The following HOMER2 variants were observed in gnomAD, a reference collection of about 807,000 sequenced individuals.
HOMER2 encodes the protein homer protein homolog 2.
HOMER2 carries 27 observed loss-of-function variants against 47.0 expected under a neutral mutation model. The observed-to-expected ratio is 0.57, with a 90% CI of 0.42 to 0.79. The LOEUF (loss-of-function observed/expected upper bound fraction) is 0.79. Ranked by LOEUF, HOMER2 falls within the 30% of genes least tolerant of loss-of-function variation. The pLI is 0.00. For missense variants in HOMER2, 443 were observed against 435.0 expected, an observed-to-expected ratio of 1.02 and a Z score of -0.16; for synonymous variants, 161 against 163.8, an observed-to-expected ratio of 0.98 and a Z score of 0.13.
intron 6 of HOMER2, among the ~76,000 whole-genome samples, chr15:82,854,407 A>C (rs1228054167): frequency 6.6e-6 from 1 of 152,086 alleles, no homozygotes; most frequent in Non-Finnish European, 1.5e-5. Flanking sequence ...CTCCATCTCA[A>C]AAAAAAAGAA....
chr15:82,859,862 A>G (rs1288856151), intron 4 of HOMER2, among the ~76,000 whole-genome samples: 1 of 152,128 alleles, frequency 6.6e-6, no homozygotes, highest in Non-Finnish European at 1.5e-5. Context: ...CAATTTCTGA[A>G]TTTCAAAAAA....
At chr15:82,981,598 G>A (rs1788050694) in intron 1 of HOMER2, among the ~76,000 whole-genome samples, 1 of 152,194 alleles carries the variant, frequency 6.6e-6, no homozygotes, top group South Asian at 2.1e-4. Flanking sequence ...TAGCCAAAAG[G>A]AGGAAGAAAC....
intron 4 of HOMER2, among the ~76,000 whole-genome samples, chr15:82,860,650 A>G (rs2151625761): frequency 1.3e-5 from 2 of 152,216 alleles, no homozygotes; most frequent in Middle Eastern, 3.4e-3. Context: ...GAAGTACAAA[A>G]TGAAGGCCAG....
Position 82,964,062 on chromosome 15 carries a change from T to G in HOMER2, n.83-4754A>C, listed in dbSNP as rs140787656. ...AATGACTACAGAGAGCTGGTGACAT[T>G]AGATTCTACCTTTAGATCCAGCTGG... is the stretch of plus-strand genomic sequence containing the variant. On this transcript the variant is annotated intron_variant and non_coding_transcript_variant, in intron 1 of 1. Transcript: ENST00000500334. Among the ~76,000 whole-genome samples the G allele has an allele frequency of 1.1e-3, 160 of 152,326 alleles. 1 individual carries two copies. The highest frequency in any genetic ancestry group is 3.7e-3 in the African/African-American group (154 of 41,574).
intron 2 of HOMER2, among the ~76,000 whole-genome samples, chr15:82,877,078 T>C (rs2052374491): frequency 6.6e-6 from 1 of 152,248 alleles, no homozygotes; most frequent in South Asian, 2.1e-4. Context: ...GCCTCATTTA[T>C]ATTAGTTCAC....
chr15:82,870,168 T>A (rs184515084), intron 3 of HOMER2, among the ~76,000 whole-genome samples: 7 of 152,252 alleles, frequency 4.6e-5, no homozygotes, highest in Admixed American at 4.6e-4. Flanking sequence ...GTTTGTTTAT[T>A]CAAAATCTGT....
At chr15:82,907,666 G>A (rs1428304616) in intron 1 of HOMER2, among the ~76,000 whole-genome samples, 2 of 152,148 alleles carry the variant, frequency 1.3e-5, no homozygotes, top group African/African-American at 4.8e-5. Flanking sequence ...GATCCAAGAA[G>A]AGTAGATTGC....
intron 1 of HOMER2, among the ~76,000 whole-genome samples, chr15:82,945,842 C>T (rs534554236): frequency 1.8e-3 from 280 of 151,988 alleles, no homozygotes; most frequent in Non-Finnish European, 3.0e-3. Flanking sequence ...TGGTGGCAGG[C>T]GCCTGTAGTC....
At chr15:82,983,944 G>A (rs1369566435) in intron 1 of HOMER2, among the ~76,000 whole-genome samples, 1 of 151,680 alleles carries the variant, frequency 6.6e-6, no homozygotes, top group Admixed American at 6.6e-5. Flanking sequence ...CAGTAACTAA[G>A]TATAGTACTA....
chr15:82,844,361 C>A (rs1013255053), downstream of HOMER2: 7 of 152,062 alleles, frequency 4.6e-5, no homozygotes, highest in African/African-American at 1.7e-4. Flanking sequence ...TTGACTACAA[C>A]AGTAAAAAAA....
At chr15:82,931,273 AG>A (rs2054001789) in intron 1 of HOMER2, among the ~76,000 whole-genome samples, 1 of 152,192 alleles carries the variant, frequency 6.6e-6, no homozygotes, top group South Asian at 2.1e-4. Flanking sequence ...TGCCCTTGAG[AG>A]ACAGGCCCCC....
At chr15:82,846,567 C>T (rs1252651960), downstream of HOMER2, 2 of 152,196 alleles carry the variant, frequency 1.3e-5, no homozygotes, top group Admixed American at 6.5e-5. Context: ...TCCAGGAGAC[C>T]TGGATGCAGA....
chr15:82,891,363 T>G (rs559643476), intron 2 of HOMER2, among the ~76,000 whole-genome samples: 1 of 152,276 alleles, frequency 6.6e-6, no homozygotes, highest in African/African-American at 2.4e-5. Context: ...CTGTGGCAAC[T>G]GGAAGGGAGA....
intron 1 of HOMER2, among the ~76,000 whole-genome samples, chr15:82,934,534 A>G (rs2054096485): frequency 6.6e-6 from 1 of 152,000 alleles, no homozygotes. Flanking sequence ...CCCATCTCGC[A>G]GAGACCTCCA....
downstream of HOMER2, chr15:82,834,891 G>A (rs982173049): frequency 6.6e-6 from 1 of 151,954 alleles, no homozygotes; most frequent in African/African-American, 2.4e-5. Flanking sequence ...TTTTCCTCAG[G>A]AACTGAAGTC....
At position 82,964,066 on chromosome 15, in the gene HOMER2, T is replaced by G. The variant is rs537499794; in HGVS notation, n.83-4758A>C. Among the ~76,000 whole-genome samples, 106 of 152,344 alleles carry G rather than the reference T, an allele frequency of 7.0e-4. 1 individual carries two copies. The highest frequency in any genetic ancestry group is 2.4e-3 in the African/African-American group (99 of 41,572). On this transcript the variant is annotated intron_variant and non_coding_transcript_variant, in intron 1 of 1. Coordinates refer to the HOMER2 transcript ENST00000500334. ...ACTACAGAGAGCTGGTGACATTAGATTCTACCTTTAGATCCAGCTGGGTCA... is the reference window on the plus strand; with the variant it reads ...ACTACAGAGAGCTGGTGACATTAGAGTCTACCTTTAGATCCAGCTGGGTCA...
At chr15:82,916,323 AG>A (rs1359254258) in intron 1 of HOMER2, among the ~76,000 whole-genome samples, 1 of 152,182 alleles carries the variant, frequency 6.6e-6, no homozygotes, top group Non-Finnish European at 1.5e-5. Flanking sequence ...ACAACTATAA[AG>A]GAGAGCTGTG....
rs192927962 is a variant in HOMER2, at chr15:82,945,698, C to T, written c.5+6833G>A. Reference sequence around the variant, plus strand: ...AAAAAAAGTGGTAGATGGCCGGGCGCGGTGGCTGACGCCTGTAATCCCAAC... The same window carrying T: ...AAAAAAAGTGGTAGATGGCCGGGCGTGGTGGCTGACGCCTGTAATCCCAAC... On this transcript the variant is annotated intron_variant, in intron 1 of 8. Coordinates refer to ENST00000450735, the MANE Select transcript of HOMER2 (RefSeq NM_004839.4). Among the ~76,000 whole-genome samples the T allele has an allele frequency of 2.8e-4, 42 of 151,996 alleles. No homozygotes were observed. In the East Asian group the frequency reaches 3.9e-3, roughly 14 times the overall value.
intron 8 of HOMER2, 74 bp downstream of exon 8, chr15:82,851,077 A>G (rs899761570): frequency 2.1e-6 from 2 of 962,386 alleles, no homozygotes; most frequent in Admixed American, 2.2e-5. Flanking sequence ...AGTGATAGGA[A>G]GCAGGAAAAT....
Sources: allele counts gnomAD v4.1 joint callset (sites outside exome capture counted in the v4.1 genomes callset), GRCh38; gene constraint gnomAD v4.1.1; transcripts MANE v1.5; gene names NCBI Gene and HGNC (gene_info 2026-07-23, HGNC 2026-07-21).